GALNT18: variants seen among roughly 807,000 people sequenced by gnomAD.
GALNT18 encodes the protein polypeptide N-acetylgalactosaminyltransferase 18.
In GALNT18, 44 loss-of-function variants were observed where a neutral mutation model predicts 69.5. The observed-to-expected ratio is 0.63, with a 90% CI of 0.50 to 0.81. The LOEUF is 0.81. Ranked by LOEUF, GALNT18 falls within the 40% of genes least tolerant of loss-of-function variation. GALNT18 has a pLI of 0.00. For missense variants in GALNT18, 715 were observed against 810.0 expected (o/e 0.88, Z 1.42); for synonymous variants, 364 against 318.2 (o/e 1.14, Z -1.53).
In GALNT18 at chr11:11,538,352, G is replaced by A. The variant is rs1003083346; in HGVS notation, c.235+83007C>T. ...GTCCTTTACTTGGCAGGGAGCAGCT[G>A]GAGGAGGGCTGCTCTTTCTGCCGCA... On this transcript the variant is annotated intron_variant, in intron 1 of 10. Coordinates refer to ENST00000227756, the MANE Select transcript of GALNT18 (RefSeq NM_198516.3). The surrounding 1 kb of genome is among the most constrained non-coding windows in gnomAD (Gnocchi z 5.2). Among the ~76,000 whole-genome samples the A allele has an allele frequency of 6.6e-6, 1 of 152,152 alleles. No homozygotes were observed. The highest frequency in any genetic ancestry group is 2.4e-5 in the African/African-American group (1 of 41,436).
chr11:11,374,216 T>C (rs1341380530), intron 5 of GALNT18, among the ~76,000 whole-genome samples: 2 of 152,206 alleles, frequency 1.3e-5, no homozygotes, highest in African/African-American at 4.8e-5. Flanking sequence ...TTCGAGGTAG[T>C]CTCTCTGGGA....
At chr11:11,403,297 A>G (rs1207268970) in intron 3 of GALNT18, among the ~76,000 whole-genome samples, 1 of 152,126 alleles carries the variant, frequency 6.6e-6, no homozygotes, top group Non-Finnish European at 1.5e-5. Flanking sequence ...GGCATGGGGA[A>G]CTCACTACCT....
chr11:11,380,331 T>C (rs896313372), intron 3 of GALNT18, among the ~76,000 whole-genome samples: 9 of 152,252 alleles, frequency 5.9e-5, no homozygotes, highest in African/African-American at 2.2e-4. Flanking sequence ...AGGACTTCTC[T>C]AGGTCAAATA....
chr11:11,322,949 C>G (rs1849862147), intron 9 of GALNT18, among the ~76,000 whole-genome samples: 1 of 146,642 alleles, frequency 6.8e-6, no homozygotes, highest in African/African-American at 2.5e-5. Flanking sequence ...TGATCAGGCT[C>G]TTTGATGTCT....
chr11:11,370,224 T>A (rs1850867763), intron 6 of GALNT18, among the ~76,000 whole-genome samples: 1 of 152,224 alleles, frequency 6.6e-6, no homozygotes, highest in Non-Finnish European at 1.5e-5. Context: ...GTAAGGACTT[T>A]GAATAATCTG....
At position 11,535,980 on chromosome 11, in the gene GALNT18, C is replaced by T. The variant is rs975006353; in HGVS notation, c.235+85379G>A. 5.3e-5 allele frequency among the ~76,000 whole-genome samples: 8 copies of T among 152,298 alleles called. No homozygotes were observed. The East Asian group carries it at 1.5e-3, about 29-fold the overall frequency. On this transcript the variant is annotated intron_variant, in intron 1 of 10. Coordinates refer to ENST00000227756, the MANE Select transcript of GALNT18 (RefSeq NM_198516.3). ...GCCTTTCCCATGTAGAGGGTGGTCC[C>T]TATCCACGGAGGTCCAAGTCCTCCA... is the stretch of plus-strand genomic sequence containing the variant.
intron 6 of GALNT18, among the ~76,000 whole-genome samples, chr11:11,342,694 T>C (rs1850230837): frequency 6.6e-6 from 1 of 152,210 alleles, no homozygotes; most frequent in Non-Finnish European, 1.5e-5. Flanking sequence ...GGCACTGGAC[T>C]GTACATTCAG....
intron 1 of GALNT18, among the ~76,000 whole-genome samples, chr11:11,609,356 C>T (rs1859833636): frequency 6.6e-6 from 1 of 152,232 alleles, no homozygotes; most frequent in South Asian, 2.1e-4. Context: ...ACACTCCTGC[C>T]ACAGGGGCTT....
chr11:11,352,355 A>G, intron 6 of GALNT18: 1 of 1,614,144 alleles, frequency 6.2e-7, no homozygotes, highest in Non-Finnish European at 8.5e-7. Flanking sequence ...CAATATAGCC[A>G]TATAAATCTT....
intron 3 of GALNT18, among the ~76,000 whole-genome samples, chr11:11,424,125 C>T (rs1377412677): frequency 6.6e-6 from 1 of 152,176 alleles, no homozygotes; most frequent in African/African-American, 2.4e-5. Flanking sequence ...CCTGCTGCCC[C>T]CAACAAAGTA....
intron 1 of GALNT18, among the ~76,000 whole-genome samples, chr11:11,512,675 G>A (rs184391525): frequency 2.5e-4 from 38 of 152,252 alleles, no homozygotes; most frequent in African/African-American, 7.7e-4. Flanking sequence ...CATCCAAATT[G>A]GCAGTTTGCA....
intron 3 of GALNT18, among the ~76,000 whole-genome samples, chr11:11,386,864 G>C (rs1854070849): frequency 6.6e-6 from 1 of 152,182 alleles, no homozygotes; most frequent in South Asian, 2.1e-4. Context: ...CCAAGAATAA[G>C]AAGCTGGCCT....
intron 3 of GALNT18, among the ~76,000 whole-genome samples, chr11:11,417,852 C>T (rs1186003062): frequency 2.0e-5 from 3 of 152,202 alleles, no homozygotes; most frequent in Admixed American, 6.5e-5. Flanking sequence ...TGAGCCTCAG[C>T]GTTCTCATCT....
intron 1 of GALNT18, among the ~76,000 whole-genome samples, chr11:11,565,969 G>A (rs960448370): frequency 1.3e-5 from 2 of 152,230 alleles, no homozygotes; most frequent in Middle Eastern, 3.2e-3. Context: ...AAATACTCAT[G>A]TCACTAGGTA....
chr11:11,440,591 G>T (rs1855513142), intron 2 of GALNT18, among the ~76,000 whole-genome samples: 1 of 152,208 alleles, frequency 6.6e-6, no homozygotes, highest in South Asian at 2.1e-4. Context: ...GGGCTGGAGA[G>T]AAATTACTCC....
chr11:11,573,761 A>G lies in GALNT18; in HGVS notation c.235+47598T>C, dbSNP rs1194275786. The G allele has an allele frequency of 6.6e-6, 1 of 152,216 alleles. No individual in the cohort carries two copies. The highest frequency in any genetic ancestry group is 1.5e-5 in the Non-Finnish European group (1 of 68,050). 9.4% of individuals were successfully genotyped at this position (152,216 alleles called of 1,614,324 possible). A position where few individuals can be genotyped will look rare whatever the true frequency, so the allele number is the denominator to read the frequency against. ...TTGTATCCTCATCATGGTCTCAATA[A>G]ACCCACTTGGAAGATGCCCATGCAT... On this transcript the variant is annotated intron_variant, in intron 1 of 10. Coordinates refer to ENST00000227756, the MANE Select transcript of GALNT18 (RefSeq NM_198516.3). This position sits in a 1 kb window ranked among gnomAD's most constrained non-coding sequence, Gnocchi z 4.6.
intron 9 of GALNT18, among the ~76,000 whole-genome samples, chr11:11,319,544 C>T (rs1397344211): frequency 1.3e-5 from 2 of 152,090 alleles, no homozygotes; most frequent in African/African-American, 2.4e-5. Context: ...TGCTACAAGC[C>T]GTTACCTTGA....
intron 1 of GALNT18, among the ~76,000 whole-genome samples, chr11:11,574,887 T>C (rs1858882259): frequency 1.3e-5 from 2 of 152,198 alleles, no homozygotes; most frequent in South Asian, 4.1e-4. Flanking sequence ...GGCTAAAGAA[T>C]TGTTTGCTCC....
chr11:11,339,045 A>G lies in GALNT18; in HGVS notation c.1278+1774T>C, dbSNP rs943851078. Among the ~76,000 whole-genome samples, 12 of 152,216 alleles carry G rather than the reference A, an allele frequency of 7.9e-5. No individual in the cohort carries two copies. Among genetic ancestry groups the G allele is most frequent in the Non-Finnish European group, 1.6e-4 (11 of 68,036 alleles). On this transcript the variant is annotated intron_variant, in intron 7 of 10. Coordinates refer to ENST00000227756, the MANE Select transcript of GALNT18 (RefSeq NM_198516.3). The surrounding 1 kb of genome is among the most constrained non-coding windows in gnomAD (Gnocchi z 5.2). ...CAGTCTTGATGAAGTATCAGGATAT[A>G]GCTTGGGAGAAGGATTGGGAGATGA... is the stretch of plus-strand genomic sequence containing the variant.
Sources: allele counts gnomAD v4.1 joint callset (sites outside exome capture counted in the v4.1 genomes callset), GRCh38; gene constraint gnomAD v4.1.1; non-coding constraint Gnocchi (gnomAD v3.1); transcripts MANE v1.5; gene names NCBI Gene and HGNC (gene_info 2026-07-23, HGNC 2026-07-21).